FBXO15: variants seen among roughly 807,000 people sequenced by gnomAD.
The protein encoded by FBXO15 is F-box protein 15, also known as F-box only protein 15.
In FBXO15, 30 loss-of-function variants were observed where a neutral mutation model predicts 49.5. The ratio of observed to expected loss-of-function variants is 0.61; its 90% CI spans 0.45 to 0.82. The LOEUF (loss-of-function observed/expected upper bound fraction) is 0.82. Ranked by LOEUF, FBXO15 falls within the 40% of genes least tolerant of loss-of-function variation. The probability of loss-of-function intolerance (pLI) is 0.00; values close to 1 mark genes in which losing one functional copy is unlikely to be tolerated. For missense variants in FBXO15, 591 were observed against 631.5 expected (o/e 0.94, Z 0.69); for synonymous variants, 250 against 232.7 (o/e 1.07, Z -0.68).
chr18:74,144,888 C>A (rs1414036518), intron 1 of FBXO15, among the ~76,000 whole-genome samples: 3 of 152,022 alleles, frequency 2.0e-5, no homozygotes. Context: ...CTTGTGTGTC[C>A]CGAATTTATG....
At chr18:74,131,033 A>C (rs1448563346) in intron 3 of FBXO15, among the ~76,000 whole-genome samples, 1 of 152,246 alleles carries the variant, frequency 6.6e-6, no homozygotes, top group Non-Finnish European at 1.5e-5. Context: ...AAATACATAC[A>C]TGCTTTTAAA....
chr18:74,147,412 T>C, intron 1 of FBXO15: 1 of 939,760 alleles, frequency 1.1e-6, no homozygotes, highest in Non-Finnish European at 1.3e-6. Context: ...TCCTGGCAGG[T>C]GCGCGCATCC....
intron 9 of FBXO15, among the ~76,000 whole-genome samples, chr18:74,077,842 C>T (rs982138196): frequency 2.0e-5 from 3 of 152,184 alleles, no homozygotes; most frequent in African/African-American, 7.2e-5. Flanking sequence ...GCAGGTGGGA[C>T]TGCATGGTGC....
intron 8 of FBXO15, among the ~76,000 whole-genome samples, chr18:74,104,719 T>C (rs1913673974): frequency 6.6e-6 from 1 of 152,122 alleles, no homozygotes; most frequent in South Asian, 2.1e-4. Flanking sequence ...AGGGGTCAAT[T>C]TGGCAAAAGG....
At position 74,074,373 on chromosome 18, in the gene FBXO15, G is replaced by A. The variant is rs764152624; in HGVS notation, c.1264-643C>T. Among the ~76,000 whole-genome samples the A allele has an allele frequency of 6.6e-5, 10 of 152,248 alleles. No homozygotes were observed. The highest frequency in any genetic ancestry group is 3.9e-4 in the East Asian group (2 of 5,178). On this transcript the variant is annotated intron_variant, in intron 9 of 9. Transcript: ENST00000419743. This position sits in a 1 kb window ranked among gnomAD's most constrained non-coding sequence, Gnocchi z 4.7. Reference sequence around the variant, plus strand: ...GTCATCCCAAGTGATCCCAACATCCGTGGGGACCCTGGTGGAGCCTCCAGT... The same window carrying A: ...GTCATCCCAAGTGATCCCAACATCCATGGGGACCCTGGTGGAGCCTCCAGT...
At position 74,080,466 on chromosome 18, in the gene FBXO15, C is replaced by T. The variant is rs572585082; in HGVS notation, c.1263+1461G>A. Among the ~76,000 whole-genome samples, 61 of 152,328 alleles carry T rather than the reference C, an allele frequency of 4.0e-4. No individual in the cohort carries two copies. The South Asian group carries it at 4.3e-3, about 11-fold the overall frequency. ...GGAAAACTGTCCAGGGACATGCAAT[C>T]CATTCTCTACTTTAAAAACTCAAAA... On this transcript the variant is annotated intron_variant, in intron 9 of 9. Transcript: ENST00000419743.
chr18:74,101,860 TG>T (rs989531612), intron 8 of FBXO15, among the ~76,000 whole-genome samples: 15 of 152,046 alleles, frequency 9.9e-5, no homozygotes, highest in African/African-American at 3.6e-4. Context: ...AAACATACAG[TG>T]GGGAAAGGAT....
intron 8 of FBXO15, among the ~76,000 whole-genome samples, chr18:74,082,673 C>T (rs1193284635): frequency 6.6e-6 from 1 of 152,190 alleles, no homozygotes; most frequent in African/African-American, 2.4e-5. Context: ...CCTGCTGCCA[C>T]AGGCCTCTTG....
chr18:74,129,736 G>A, intron 4 of FBXO15, 122 bp from the exon 5 acceptor site: 1 of 758,668 alleles, frequency 1.3e-6, no homozygotes, highest in African/African-American at 1.8e-5. Flanking sequence ...AAAATTCTCA[G>A]AATGTGCCCA....
intron 8 of FBXO15, among the ~76,000 whole-genome samples, chr18:74,106,517 TCTTTAGTACCTCATAAGG>T (rs1341664214): frequency 6.6e-6 from 1 of 152,160 alleles, no homozygotes; most frequent in Admixed American, 6.6e-5. Context: ...TGTGAAGCAT[TCTTTAGTACCTCATAAGG>T]TAGGTACTAA....
chr18:74,123,385 T>C lies in FBXO15; in HGVS notation c.1121A>G (p.Asn374Ser), dbSNP rs61753277. The C allele has an allele frequency of 1.5e-5, 24 of 1,609,366 alleles. No homozygotes were observed. The highest frequency in any genetic ancestry group is 2.2e-5 in the East Asian group (1 of 44,814). The change falls in exon 8 of 10, where the codon AAT becomes AGT. Residue 374 changes from asparagine (N) to serine (S), a missense_variant. Transcript: ENST00000419743. Reference sequence around the variant, plus strand: ...AATTTCACCTCTCTTGGTGAAGAGATTGCGAAATGTACCACATAGGTAGAA... The same window carrying C: ...AATTTCACCTCTCTTGGTGAAGAGACTGCGAAATGTACCACATAGGTAGAA... ...GVFYLCGTFR[N>S]LFTKRGNIEN... is the part of the protein sequence containing the mutation.
At chr18:74,084,333 G>A (rs1912632498) in intron 8 of FBXO15, among the ~76,000 whole-genome samples, 1 of 152,222 alleles carries the variant, frequency 6.6e-6, no homozygotes, top group African/African-American at 2.4e-5. Flanking sequence ...CTCCTTCAGT[G>A]AGACACATGT....
chr18:74,112,828 G>C (rs1186978920), intron 8 of FBXO15, among the ~76,000 whole-genome samples: 1 of 152,232 alleles, frequency 6.6e-6, no homozygotes, highest in African/African-American at 2.4e-5. Context: ...AGACTGTGGA[G>C]CAACAGTAAC....
At chr18:74,140,910 A>G (rs1363986135) in intron 1 of FBXO15, 2 of 152,262 alleles carry the variant, frequency 1.3e-5, no homozygotes. Flanking sequence ...TTAGTAAACT[A>G]GAACTGTCAA....
In FBXO15 at chr18:74,081,249, C is replaced by T. The variant is rs186594620; in HGVS notation, c.1263+678G>A. Among the ~76,000 whole-genome samples, 134 of 152,270 alleles carry T rather than the reference C, an allele frequency of 8.8e-4. 1 individual carries two copies. The East Asian group carries it at 0.018, about 20-fold the overall frequency. On this transcript the variant is annotated intron_variant, in intron 9 of 9. Coordinates refer to ENST00000419743, the MANE Select transcript of FBXO15 (RefSeq NM_001142958.2). ...ATAAAGCCATGTTACAGGAGGCCCC[C>T]GCAGTCACAGGAGATTGATCCCACT...
At chr18:74,094,864 T>C (rs1913208744) in intron 8 of FBXO15, among the ~76,000 whole-genome samples, 2 of 152,244 alleles carry the variant, frequency 1.3e-5, no homozygotes, top group African/African-American at 4.8e-5. Context: ...CATGGAAGAC[T>C]GTCTCATCTA....
At chr18:74,125,797 C>G (rs1914682982) in intron 6 of FBXO15, among the ~76,000 whole-genome samples, 178 bp downstream of exon 6, 1 of 152,012 alleles carries the variant, frequency 6.6e-6, no homozygotes, top group African/African-American at 2.4e-5. Context: ...GCACAGCAGC[C>G]TCGGTGGAAC....
Position 74,140,263 on chromosome 18 carries a change from G to C in FBXO15, c.166C>G (p.His56Asp). Residue 56 changes from histidine (H) to aspartate (D), a missense_variant, in exon 2 of 10, where the codon CAT becomes GAT. Transcript: ENST00000419743. ...LSAGSAALRC[H>D]AGGGQHWESS... is the part of the protein sequence containing the mutation. The stretch of plus-strand genomic sequence containing the variant: ...TCCCAGTGCTGTCCACCTCCGGCAT[G>C]GCACCTCAGGGCAGCAGAGCCTGCA... 1 of 1,551,542 alleles carries C rather than the reference G, an allele frequency of 6.4e-7. No homozygotes were observed.
At chr18:74,078,747 A>C (rs1182618806) in intron 9 of FBXO15, 1 of 152,308 alleles carries the variant, frequency 6.6e-6, no homozygotes. Context: ...AGCAGTCGGC[A>C]GACCTCACCC....
Sources: gnomAD v4.1 joint callset for allele counts (sites outside exome capture counted in the v4.1 genomes callset) on GRCh38, gnomAD v4.1.1 for gene constraint, Gnocchi (gnomAD v3.1) non-coding constraint, MANE v1.5 for transcripts, NCBI Gene and HGNC (gene_info 2026-07-23, HGNC 2026-07-21) for gene names.